ANK3: variants seen among roughly 807,000 people sequenced by gnomAD.
ANK3 encodes ankyrin-3.
A neutral mutation model predicts 370.9 loss-of-function variants in ANK3; 57 were observed. The observed-to-expected ratio is 0.15, with a 90% CI of 0.12 to 0.19. ANK3 has a LOEUF of 0.19. ANK3 is among the 10% of genes least tolerant of loss of function. The pLI is 1.00. For missense variants in ANK3, 4,439 were observed against 5,302.1 expected, an observed-to-expected ratio of 0.84 and a Z score of 5.06; for synonymous variants, 1,929 against 1,946.3, an observed-to-expected ratio of 0.99 and a Z score of 0.23.
intron 25 of ANK3, among the ~76,000 whole-genome samples, chr10:60,129,581 G>A (rs936574516): frequency 6.6e-6 from 1 of 152,090 alleles, no homozygotes; most frequent in African/African-American, 2.4e-5. Context: ...GCAAAATTCC[G>A]TCTCTACTAA....
intron 2 of ANK3, among the ~76,000 whole-genome samples, chr10:60,454,952 G>A (rs911152619): frequency 3.3e-5 from 5 of 152,134 alleles, no homozygotes; most frequent in African/African-American, 7.2e-5. Flanking sequence ...GGACATTATT[G>A]TAAAAACTCC....
chr10:60,726,578 T>G (rs933168448), intron 1 of ANK3, among the ~76,000 whole-genome samples: 3 of 152,208 alleles, frequency 2.0e-5, no homozygotes, highest in Non-Finnish European at 2.9e-5. Flanking sequence ...GGTCATGCAG[T>G]TGCTACACCA....
chr10:60,109,847 G>A (rs896976196), intron 26 of ANK3, among the ~76,000 whole-genome samples: 2 of 152,150 alleles, frequency 1.3e-5, no homozygotes, highest in Admixed American at 1.3e-4. Flanking sequence ...TTTTTGGGTA[G>A]AAGCATATTG....
intron 17 of ANK3, among the ~76,000 whole-genome samples, chr10:60,181,731 G>C (rs1366462591): frequency 6.6e-6 from 1 of 151,994 alleles, no homozygotes; most frequent in African/African-American, 2.4e-5. Flanking sequence ...GTTTGAGCTC[G>C]GTAGGTGGAG....
At chr10:60,342,634 G>A (rs913975395) in intron 1 of ANK3, among the ~76,000 whole-genome samples, 24 of 152,092 alleles carry the variant, frequency 1.6e-4, no homozygotes, top group Admixed American at 3.3e-4. Flanking sequence ...TTCTTGGGTC[G>A]AAGTCAGGGC....
intron 4 of ANK3, among the ~76,000 whole-genome samples, chr10:60,278,546 A>AT (rs976606314): frequency 1.3e-5 from 2 of 151,780 alleles, no homozygotes; most frequent in Non-Finnish European, 2.9e-5. Context: ...AATTTTTTTT[A>AT]TTTTTAGTAG....
chr10:60,189,082 T>A (rs973630778), intron 16 of ANK3, among the ~76,000 whole-genome samples: 1 of 152,218 alleles, frequency 6.6e-6, no homozygotes, highest in Non-Finnish European at 1.5e-5. Context: ...TGATATAATA[T>A]TCAGGTTAGT....
chr10:60,230,451 C>G (rs540972174), intron 8 of ANK3, among the ~76,000 whole-genome samples: 4 of 152,160 alleles, frequency 2.6e-5, no homozygotes, highest in Non-Finnish European at 5.9e-5. Context: ...GTTTATATCT[C>G]AGCACATGTC....
chr10:60,210,146 G>A (rs1044708520), intron 9 of ANK3, among the ~76,000 whole-genome samples: 7 of 152,154 alleles, frequency 4.6e-5, no homozygotes, highest in African/African-American at 1.4e-4. Flanking sequence ...TGTGTTCTGC[G>A]CATGAAAATA....
chr10:60,163,232 GTACGTA>G (rs1383212064), intron 23 of ANK3, among the ~76,000 whole-genome samples: 1 of 151,994 alleles, frequency 6.6e-6, no homozygotes, highest in Non-Finnish European at 1.5e-5. Context: ...TACTAGTTTT[GTACGTA>G]TATTAAAGTT....
intron 23 of ANK3, among the ~76,000 whole-genome samples, chr10:60,143,310 C>T (rs1008255756): frequency 6.6e-6 from 1 of 152,162 alleles, no homozygotes; most frequent in African/African-American, 2.4e-5. Flanking sequence ...TTATATAGTA[C>T]AACACACTAC....
intron 1 of ANK3, among the ~76,000 whole-genome samples, chr10:60,644,134 A>C (rs1394663854): frequency 6.6e-6 from 1 of 152,188 alleles, no homozygotes; most frequent in East Asian, 1.9e-4. Flanking sequence ...TGTTTTGCTT[A>C]TCTGTTGGAG....
chr10:60,685,812 A>G (rs2079260272), intron 1 of ANK3, among the ~76,000 whole-genome samples: 1 of 152,222 alleles, frequency 6.6e-6, no homozygotes, highest in South Asian at 2.1e-4. Context: ...AGAAAATGTA[A>G]AGAACAGAGG....
At chr10:60,548,671 T>C (rs1041189673) in intron 2 of ANK3, among the ~76,000 whole-genome samples, 3 of 152,158 alleles carry the variant, frequency 2.0e-5, no homozygotes, top group Admixed American at 6.5e-5. Context: ...TTGATTGCAA[T>C]AGTTTATTCC....
chr10:60,050,911 ATT>A (rs747517995), intron 42 of ANK3, among the ~76,000 whole-genome samples: 7 of 141,120 alleles, frequency 5.0e-5, no homozygotes, highest in Admixed American at 1.4e-4. Context: ...CCTATTTCAG[ATT>A]TTTTTTTTTT....
chr10:60,407,952 C>G (rs1318801254), intron 2 of ANK3, among the ~76,000 whole-genome samples: 2 of 152,020 alleles, frequency 1.3e-5, no homozygotes, highest in African/African-American at 4.8e-5. Context: ...CTGACTGTGT[C>G]TCCCATACTC....
At chr10:60,078,854 C>G (rs2084427074) in intron 36 of ANK3, among the ~76,000 whole-genome samples, 1 of 152,126 alleles carries the variant, frequency 6.6e-6, no homozygotes, top group South Asian at 2.1e-4. Context: ...TTTCATAAAA[C>G]AGAAAACTTC....
rs141503686 is a variant in ANK3 at position 60,243,851 on chromosome 10, C to T, written c.799-9065G>A. On this transcript the variant is annotated intron_variant, in intron 7 of 43. Transcript: ENST00000280772. ...AATCAGGTGGATCTTATGAGGGATG[C>T]AAAGGGTCTTAGAGGAGCATGAGCT... Among the ~76,000 whole-genome samples, 125 of 152,192 alleles carry T rather than the reference C, an allele frequency of 8.2e-4. 1 individual carries two copies. The highest frequency in any genetic ancestry group is 3.0e-3 in the African/African-American group (123 of 41,520).
intron 21 of ANK3, among the ~76,000 whole-genome samples, chr10:60,167,331 C>T (rs1315908535): frequency 5.3e-5 from 8 of 152,068 alleles, no homozygotes; most frequent in Admixed American, 5.2e-4. Context: ...TTGTGTTCTC[C>T]TCTTATATGT....
Sources: allele counts gnomAD v4.1 joint callset (sites outside exome capture counted in the v4.1 genomes callset), GRCh38; gene constraint gnomAD v4.1.1; transcripts MANE v1.5; gene names NCBI Gene and HGNC (gene_info 2026-07-23, HGNC 2026-07-21).